ENTREP2: variants seen among roughly 807,000 people sequenced by gnomAD.
The protein encoded by ENTREP2 is protein ENTREP2.
chr15:29,360,846 C>T, the ENTREP2 span, among the ~76,000 whole-genome samples: 2 of 152,176 alleles, frequency 1.3e-5, no homozygotes, highest in Admixed American at 6.5e-5. Flanking sequence ...GAAGCACTTC[C>T]GAGAAGCTAT....
the ENTREP2 span, among the ~76,000 whole-genome samples, chr15:29,337,462 G>A: frequency 2.0e-5 from 3 of 152,128 alleles, no homozygotes; most frequent in Non-Finnish European, 2.9e-5. Context: ...ATTTTATCAC[G>A]TTTGTAATTT....
the ENTREP2 span, among the ~76,000 whole-genome samples, chr15:29,671,670 T>C: frequency 6.6e-6 from 1 of 152,240 alleles, no homozygotes; most frequent in Non-Finnish European, 1.5e-5. Context: ...ATTACTCATC[T>C]GGGTCCCAAT....
the ENTREP2 span, among the ~76,000 whole-genome samples, chr15:29,444,591 C>T: frequency 3.3e-5 from 5 of 151,876 alleles, no homozygotes; most frequent in African/African-American, 4.8e-5. Context: ...CTCAGCCTCC[C>T]GAATACCTGG....
At chr15:29,664,898 G>A in the ENTREP2 span, among the ~76,000 whole-genome samples, 3 of 152,146 alleles carry the variant, frequency 2.0e-5, no homozygotes, top group South Asian at 2.1e-4. Context: ...ATGCAGCTGC[G>A]CCCAGCAATC....
chr15:29,509,534 T>C, the ENTREP2 span, among the ~76,000 whole-genome samples: 3 of 152,236 alleles, frequency 2.0e-5, no homozygotes, highest in East Asian at 3.9e-4. Flanking sequence ...CAAAACAGCA[T>C]GGTACTGGTA....
At chr15:29,163,202 T>C in the ENTREP2 span, among the ~76,000 whole-genome samples, 1 of 152,148 alleles carries the variant, frequency 6.6e-6, no homozygotes, top group East Asian at 1.9e-4. Context: ...GAGCTTACCC[T>C]AATGAGAAGG....
chr15:29,228,286 T>C, the ENTREP2 span, among the ~76,000 whole-genome samples: 1 of 152,012 alleles, frequency 6.6e-6, no homozygotes, highest in Admixed American at 6.6e-5. Flanking sequence ...GCCACTGCAC[T>C]CTAGCCTGGG....
the ENTREP2 span, among the ~76,000 whole-genome samples, chr15:29,405,828 G>A: frequency 6.6e-6 from 1 of 152,236 alleles, no homozygotes; most frequent in Non-Finnish European, 1.5e-5. Context: ...GAGACTTTGT[G>A]CCCATGCTCC....
the ENTREP2 span, among the ~76,000 whole-genome samples, chr15:29,594,053 CAT>C: frequency 6.6e-6 from 1 of 152,014 alleles, no homozygotes; most frequent in Non-Finnish European, 1.5e-5. Flanking sequence ...CCTTCCTGCA[CAT>C]TTTTTTTGCA....
At chr15:29,251,447 C>T in the ENTREP2 span, among the ~76,000 whole-genome samples, 2 of 152,262 alleles carry the variant, frequency 1.3e-5, no homozygotes, top group African/African-American at 4.8e-5. Context: ...TCGTCCAACC[C>T]ACCACGCTGC....
chr15:29,499,325 G>T, the ENTREP2 span, among the ~76,000 whole-genome samples: 3 of 151,748 alleles, frequency 2.0e-5, no homozygotes, highest in Non-Finnish European at 4.4e-5. Flanking sequence ...TTTTTGCTTT[G>T]CCATTACCAT....
At chr15:29,259,502 T>G in the ENTREP2 span, among the ~76,000 whole-genome samples, 1 of 152,168 alleles carries the variant, frequency 6.6e-6, no homozygotes, top group Non-Finnish European at 1.5e-5. Flanking sequence ...ACACCCTGTG[T>G]CCCAGCATCT....
the ENTREP2 span, among the ~76,000 whole-genome samples, chr15:29,420,408 T>C: frequency 3.3e-5 from 5 of 152,242 alleles, no homozygotes; most frequent in East Asian, 9.7e-4. Context: ...GGTGACAGTC[T>C]GTAGCAGCAC....
At chr15:29,207,140 T>C in the ENTREP2 span, among the ~76,000 whole-genome samples, 3 of 152,264 alleles carry the variant, frequency 2.0e-5, no homozygotes, top group East Asian at 5.8e-4. Flanking sequence ...GGGCACCTTT[T>C]TGTTCCTGGA....
chr15:29,529,589 T>C, the ENTREP2 span, among the ~76,000 whole-genome samples: 3 of 152,002 alleles, frequency 2.0e-5, no homozygotes, highest in South Asian at 6.2e-4. Context: ...AGGTGAGCCA[T>C]TACCACCTGC....
chr15:29,223,666 C>T, the ENTREP2 span, among the ~76,000 whole-genome samples: 1 of 152,106 alleles, frequency 6.6e-6, no homozygotes, highest in Admixed American at 6.5e-5. Flanking sequence ...CTGCTAAACA[C>T]AATGCGGGCC....
the ENTREP2 span, among the ~76,000 whole-genome samples, chr15:29,417,985 T>A: frequency 1.3e-5 from 2 of 152,202 alleles, no homozygotes; most frequent in Admixed American, 6.5e-5. Flanking sequence ...ATGCTGCATA[T>A]TAACAACTGT....
At chr15:29,667,640 C>A in the ENTREP2 span, among the ~76,000 whole-genome samples, 7,178 of 151,742 alleles carry the variant, frequency 0.047, 516 homozygotes, top group African/African-American at 0.15. Flanking sequence ...ATTACAGGCG[C>A]CTGCCACCAC....
the ENTREP2 span, among the ~76,000 whole-genome samples, chr15:29,467,426 G>A: frequency 6.6e-6 from 1 of 152,178 alleles, no homozygotes. Flanking sequence ...GTTCCCTTCA[G>A]AAACTAAATG....
Sources: allele counts gnomAD v4.1 joint callset (sites outside exome capture counted in the v4.1 genomes callset), GRCh38; gene constraint gnomAD v4.1.1; transcripts MANE v1.5; gene names NCBI Gene and HGNC (gene_info 2026-07-23, HGNC 2026-07-21).